Variants in FGF13 observed in about 807,000 individuals in gnomAD.
FGF13 encodes fibroblast growth factor homologous factor 2.
A neutral mutation model predicts 19.5 loss-of-function variants in FGF13; 2 were observed. The observed-to-expected ratio is 0.10, with a 90% CI of 0.04 to 0.32. The LOEUF (loss-of-function observed/expected upper bound fraction) is 0.32. FGF13 is among the 10% of genes least tolerant of loss of function. The pLI, the probability that FGF13 is intolerant of heterozygous loss-of-function variation, is 1.00. For synonymous variants in FGF13, 72 were observed against 76.9 expected (o/e 0.94, Z 0.33); for missense variants, 113 against 192.7 (o/e 0.59, Z 2.45).
intron 1 of FGF13, among the ~76,000 whole-genome samples, chrX:139,032,666 C>A (rs1023813132): frequency 9.0e-6 from 1 of 110,731 alleles, no homozygotes. Context: ...AGGCATCAAC[C>A]AAGTCACTGA....
At chrX:138,767,637 A>G (rs1241932820) in intron 3 of FGF13, among the ~76,000 whole-genome samples, 2 of 112,241 alleles carry the variant, frequency 1.8e-5, no homozygotes, top group African/African-American at 3.2e-5. Flanking sequence ...TAGTCAAACT[A>G]TCTCCAATGA....
At chrX:139,124,391 C>T (rs1341895586) in intron 1 of FGF13, among the ~76,000 whole-genome samples, 1 of 112,135 alleles carries the variant, frequency 8.9e-6, no homozygotes, top group Non-Finnish European at 1.9e-5. Context: ...TCACTTCCCT[C>T]TAAGTCTTTT....
At chrX:139,073,140 C>A (rs73243308) in intron 1 of FGF13, among the ~76,000 whole-genome samples, 1 of 104,745 alleles carries the variant, frequency 9.5e-6, no homozygotes, top group Non-Finnish European at 2.0e-5. Context: ...TTTTCCCCCC[C>A]CCCTTTTCTG....
chrX:138,891,902 C>T (rs2091479065), intron 1 of FGF13, among the ~76,000 whole-genome samples: 1 of 110,756 alleles, frequency 9.0e-6, no homozygotes, highest in South Asian at 3.9e-4. Flanking sequence ...CGGACTGACT[C>T]TCCTTGCTCC....
chrX:138,665,604 T>G (rs890343707), intron 3 of FGF13, among the ~76,000 whole-genome samples: 16 of 111,944 alleles, frequency 1.4e-4, no homozygotes, highest in Admixed American at 6.6e-4. Flanking sequence ...AACACAGGGA[T>G]AATATTAAAA....
Position 138,765,326 on chromosome X carries a change from C to T in FGF13, c.218-56398G>A, listed in dbSNP as rs148701983. Among the ~76,000 whole-genome samples the T allele has an allele frequency of 6.1e-3, 686 of 111,824 alleles. 8 individuals carry two copies. The highest frequency in any genetic ancestry group is 0.021 in the African/African-American group (649 of 30,808). ...CAGAAAATTCCAGATCTATTAGGCA[C>T]GGCTTCTCTTTACAGAATCTAATGA... On this transcript the variant is annotated intron_variant, in intron 3 of 6. Coordinates refer to the FGF13 transcript ENST00000436198.
rs1017616896 is a variant in FGF13, at chrX:138,632,601, T to A, written c.*249A>T. 4.2e-5 allele frequency: 11 copies of A among 262,918 alleles called. No individual in the cohort carries two copies. In the South Asian group the frequency reaches 9.0e-4, roughly 22 times the overall value. 21.7% of individuals were successfully genotyped at this position (262,918 alleles called of 1,213,427 possible). A position where few individuals can be genotyped will look rare whatever the true frequency, so the allele number is the denominator to read the frequency against. On this transcript the variant is annotated 3_prime_UTR_variant, in exon 5 of 5. Transcript: ENST00000315930. ...AGTATAGGTGAGATCATGAGAAAAT[T>A]TGGCAGTCCTTCTCTCAGATTTAGT...
chrX:139,189,787 A>C (rs2084310615), intron 1 of FGF13, among the ~76,000 whole-genome samples: 1 of 111,961 alleles, frequency 8.9e-6, no homozygotes, highest in East Asian at 2.8e-4. Flanking sequence ...TCAGTTAAAT[A>C]CTTAACACTA....
intron 3 of FGF13, among the ~76,000 whole-genome samples, chrX:138,809,469 A>G (rs2090902607): frequency 8.9e-6 from 1 of 111,834 alleles, no homozygotes; most frequent in Non-Finnish European, 1.9e-5. Flanking sequence ...GCTACTTATG[A>G]CAAACCCACA....
chrX:138,773,424 G>A (rs959633615), intron 3 of FGF13, among the ~76,000 whole-genome samples: 3 of 112,026 alleles, frequency 2.7e-5, no homozygotes, highest in African/African-American at 9.7e-5. Context: ...GTCACAGGGA[G>A]TGCAAACATG....
chrX:139,170,999 A>T (rs780563002), intron 1 of FGF13, among the ~76,000 whole-genome samples: 4 of 111,402 alleles, frequency 3.6e-5, no homozygotes, highest in Non-Finnish European at 7.5e-5. Context: ...TCATGTGCAG[A>T]TCCTACCTAT....
At chrX:139,020,372 T>C (rs771813421) in intron 1 of FGF13, among the ~76,000 whole-genome samples, 2 of 111,236 alleles carry the variant, frequency 1.8e-5, no homozygotes, top group South Asian at 7.6e-4. Flanking sequence ...AGCATCTCTT[T>C]TGCACAGAGA....
intron 1 of FGF13, among the ~76,000 whole-genome samples, chrX:139,116,144 A>C (rs2083638207): frequency 8.9e-6 from 1 of 112,205 alleles, no homozygotes; most frequent in African/African-American, 3.2e-5. Context: ...TACAAAACCT[A>C]TGTCTTGATT....
chrX:139,013,104 C>G (rs1302813402), intron 1 of FGF13, among the ~76,000 whole-genome samples: 1 of 111,535 alleles, frequency 9.0e-6, no homozygotes, highest in Non-Finnish European at 1.9e-5. Flanking sequence ...CTGAACATCA[C>G]TGATGATCAA....
At chrX:138,953,584 A>G (rs139630028) in intron 1 of FGF13, among the ~76,000 whole-genome samples, 1 of 111,800 alleles carries the variant, frequency 8.9e-6, no homozygotes, top group African/African-American at 3.3e-5. Context: ...AATAATAATA[A>G]AAAAAGAAAA....
At chrX:139,068,281 A>G (rs1251783641) in intron 1 of FGF13, among the ~76,000 whole-genome samples, 1 of 101,107 alleles carries the variant, frequency 9.9e-6, no homozygotes, top group Non-Finnish European at 2.0e-5. Flanking sequence ...GGTTTGTCAA[A>G]GATCAGATAG....
rs748918757 is a variant in FGF13 at position 138,692,482 on chromosome X, C to CA, written c.402+10501_402+10502insT. On this transcript the variant is annotated intron_variant, in intron 3 of 4. Coordinates refer to ENST00000315930, the MANE Select transcript of FGF13 (RefSeq NM_004114.5). ...CGTCTTCACCAAGACATGAGAATCA[C>CA]TGGGTAATCACATAAAATAAAGCTA... Among the ~76,000 whole-genome samples, 229 of 107,456 alleles carry CA rather than the reference C, an allele frequency of 2.1e-3. 3 individuals carry two copies. Among genetic ancestry groups the CA allele is most frequent in the Non-Finnish European group, 3.4e-3 (178 of 52,057 alleles). The allele number at this position is 107,456 out of a possible 115,157, so 93.3% of individuals were successfully genotyped here.
intron 3 of FGF13, among the ~76,000 whole-genome samples, chrX:138,687,073 T>C (rs2089790582): frequency 8.9e-6 from 1 of 111,791 alleles, no homozygotes; most frequent in Non-Finnish European, 1.9e-5. Context: ...CAGAAAATGC[T>C]ACAGGACATT....
chrX:139,131,340 T>C (rs1331952508), intron 1 of FGF13, among the ~76,000 whole-genome samples: 4 of 109,936 alleles, frequency 3.6e-5, no homozygotes, highest in Non-Finnish European at 7.6e-5. Flanking sequence ...GTTTTACTAA[T>C]GGTACCCATA....
Sources: allele counts gnomAD v4.1 joint callset (sites outside exome capture counted in the v4.1 genomes callset), GRCh38; gene constraint gnomAD v4.1.1; transcripts MANE v1.5; gene names NCBI Gene and HGNC (gene_info 2026-07-23, HGNC 2026-07-21).